MXI1: variants seen among roughly 807,000 people sequenced by gnomAD.
MXI1 encodes the protein max-interacting protein 1.
In MXI1, 18 loss-of-function variants were observed where a neutral mutation model predicts 36.9. The observed-to-expected ratio is 0.49, with a 90% CI of 0.34 to 0.72. MXI1 has a LOEUF of 0.72. MXI1 is among the 30% of genes least tolerant of loss of function. MXI1 has a pLI of 0.01. For missense variants in MXI1, 304 were observed against 379.1 expected, an observed-to-expected ratio of 0.80 and a Z score of 1.64; for synonymous variants, 160 against 146.7, an observed-to-expected ratio of 1.09 and a Z score of -0.65.
At chr10:110,238,911 T>G (rs1031372079) in intron 2 of MXI1, among the ~76,000 whole-genome samples, 6 of 152,230 alleles carry the variant, frequency 3.9e-5, no homozygotes, top group African/African-American at 1.4e-4. Context: ...ATGATGTATG[T>G]AGAATCTGTA....
At chr10:110,269,130 A>G (rs1025008866) in intron 3 of MXI1, among the ~76,000 whole-genome samples, 1 of 152,240 alleles carries the variant, frequency 6.6e-6, no homozygotes, top group African/African-American at 2.4e-5. Context: ...ATGTCCAGCA[A>G]TGCCAAACCA....
At chr10:110,239,246 CCAGA>C (rs1358504053) in intron 2 of MXI1, among the ~76,000 whole-genome samples, 1 of 152,156 alleles carries the variant, frequency 6.6e-6, no homozygotes, top group Non-Finnish European at 1.5e-5. Context: ...CAGAAGATCT[CCAGA>C]CATTGTCAGA....
chr10:110,249,890 G>C (rs960618670), intron 3 of MXI1, among the ~76,000 whole-genome samples: 4 of 152,120 alleles, frequency 2.6e-5, no homozygotes, highest in Admixed American at 2.6e-4. Flanking sequence ...TTAAATTGCT[G>C]GTGAATGGCT....
chr10:110,284,771 G>T, intron 5 of MXI1, 53 bp from the exon 6 acceptor site: 1 of 1,489,022 alleles, frequency 6.7e-7, no homozygotes, highest in Non-Finnish European at 9.0e-7. Flanking sequence ...AGTTTTTGAA[G>T]GTGCGCTATA....
chr10:110,243,124 C>G (rs1252552666), intron 2 of MXI1, among the ~76,000 whole-genome samples: 1 of 150,784 alleles, frequency 6.6e-6, no homozygotes, highest in Non-Finnish European at 1.5e-5. Flanking sequence ...CAAAGATTAA[C>G]AAAATTTTAA....
At position 110,221,529 on chromosome 10, in the gene MXI1, A is replaced by G. The variant is rs143484970; in HGVS notation, c.275-6660A>G. On this transcript the variant is annotated intron_variant, in intron 1 of 5. Coordinates refer to ENST00000332674, the MANE Select transcript of MXI1 (RefSeq NM_130439.3). ...GCATGTTAATTGAGTCCTGCAATGC[A>G]GATGTCTTCTTGGATCCAAGTTCAT... Among the ~76,000 whole-genome samples the G allele has an allele frequency of 1.8e-4, 28 of 152,358 alleles. 1 individual carries two copies. The highest frequency in any genetic ancestry group is 6.3e-4 in the African/African-American group (26 of 41,586).
chr10:110,223,669 C>T (rs1854879419), intron 1 of MXI1, among the ~76,000 whole-genome samples: 1 of 151,930 alleles, frequency 6.6e-6, no homozygotes, highest in South Asian at 2.1e-4. Context: ...TAATCCAGTC[C>T]CACCCCTACC....
chr10:110,213,581 C>T (rs1342273), intron 1 of MXI1, among the ~76,000 whole-genome samples: 37,893 of 152,058 alleles, frequency 0.25, 6,053 homozygotes, highest in African/African-American at 0.46. Flanking sequence ...GATATTGTTA[C>T]GGCTTTCAGA....
chr10:110,230,364 GC>G (rs1855215850), intron 2 of MXI1, among the ~76,000 whole-genome samples: 1 of 152,156 alleles, frequency 6.6e-6, no homozygotes, highest in South Asian at 2.1e-4. Flanking sequence ...TTTTAGCATA[GC>G]ATGTCGGAAA....
chr10:110,264,874 A>T (rs990473278), intron 3 of MXI1, among the ~76,000 whole-genome samples: 2 of 152,206 alleles, frequency 1.3e-5, no homozygotes, highest in Non-Finnish European at 2.9e-5. Context: ...AATGGAATAT[A>T]AAAAAATTGA....
chr10:110,280,375 G>A lies in MXI1; in HGVS notation c.724+290G>A, dbSNP rs1455520285. Among the ~76,000 whole-genome samples the A allele has an allele frequency of 2.0e-5, 3 of 151,908 alleles. No homozygotes were observed. In the East Asian group the frequency reaches 5.8e-4, roughly 29 times the overall value. On this transcript the variant is annotated intron_variant, in intron 5 of 5. Transcript: ENST00000332674. ...TGATTAGATTGAGGGTATACAGTTGGGGTAAGGAATATCACAGAAATGATG... is the reference window on the plus strand; with the variant it reads ...TGATTAGATTGAGGGTATACAGTTGAGGTAAGGAATATCACAGAAATGATG...
intron 2 of MXI1, among the ~76,000 whole-genome samples, chr10:110,229,595 G>A (rs998111300): frequency 6.6e-6 from 1 of 152,078 alleles, no homozygotes; most frequent in Non-Finnish European, 1.5e-5. Flanking sequence ...TTTTCATTAA[G>A]ACTACTATAT....
At chr10:110,262,623 A>C (rs1328152220) in intron 3 of MXI1, among the ~76,000 whole-genome samples, 1 of 152,126 alleles carries the variant, frequency 6.6e-6, no homozygotes, top group South Asian at 2.1e-4. Context: ...CTTAGTTTAC[A>C]GTACTTTAAA....
intron 1 of MXI1, among the ~76,000 whole-genome samples, chr10:110,211,755 A>AG (rs546757359): frequency 3.9e-4 from 59 of 152,324 alleles, no homozygotes; most frequent in Middle Eastern, 3.4e-3. Context: ...TGTGCAAGGC[A>AG]GGGGGGATTC....
At chr10:110,210,938 G>A (rs1854497070) in intron 1 of MXI1, among the ~76,000 whole-genome samples, 1 of 152,212 alleles carries the variant, frequency 6.6e-6, no homozygotes, top group African/African-American at 2.4e-5. Context: ...TCAGTCGTTG[G>A]GGGAGGGAGA....
intron 4 of MXI1, among the ~76,000 whole-genome samples, chr10:110,279,654 T>A (rs917902596): frequency 1.3e-5 from 2 of 152,250 alleles, no homozygotes; most frequent in Non-Finnish European, 2.9e-5. Context: ...GAGATTACTT[T>A]ACAGACTTTT....
intron 2 of MXI1, among the ~76,000 whole-genome samples, chr10:110,236,951 T>G (rs1188797099): frequency 6.6e-6 from 1 of 152,232 alleles, no homozygotes; most frequent in East Asian, 1.9e-4. Context: ...ATTTTCAAAT[T>G]TCAGCAGTAT....
At chr10:110,234,866 A>G (rs1298373032) in intron 2 of MXI1, among the ~76,000 whole-genome samples, 1 of 152,138 alleles carries the variant, frequency 6.6e-6, no homozygotes, top group Non-Finnish European at 1.5e-5. Flanking sequence ...AAGAAATATT[A>G]TTTTACAAAC....
At chr10:110,276,303 A>G (rs1016488821) in intron 3 of MXI1, among the ~76,000 whole-genome samples, 1 of 151,934 alleles carries the variant, frequency 6.6e-6, no homozygotes, top group East Asian at 1.9e-4. Flanking sequence ...ACCTCCTCCA[A>G]TTACAATCTC....
Sources: allele counts gnomAD v4.1 joint callset (sites outside exome capture counted in the v4.1 genomes callset), GRCh38; gene constraint gnomAD v4.1.1; transcripts MANE v1.5; gene names NCBI Gene and HGNC (gene_info 2026-07-23, HGNC 2026-07-21).